Variants in PIK3R5 observed in about 807,000 individuals in gnomAD.
PIK3R5 encodes the protein phosphoinositide 3-kinase regulatory subunit 5.
PIK3R5 carries 32 observed loss-of-function variants against 94.9 expected under a neutral mutation model. That is an observed-to-expected ratio of 0.34 (90% CI 0.25 to 0.45). PIK3R5 has a LOEUF of 0.45. Among genes scored for constraint, PIK3R5 ranks in the 20% least tolerant of loss-of-function variants. The pLI is 1.00. For synonymous variants in PIK3R5, 443 were observed against 479.4 expected, an observed-to-expected ratio of 0.92 and a Z score of 0.99; for missense variants, 853 against 1,144.6, an observed-to-expected ratio of 0.75 and a Z score of 3.68.
chr17:8,907,278 GC>G (rs1292950700), intron 3 of PIK3R5, among the ~76,000 whole-genome samples: 1 of 151,722 alleles, frequency 6.6e-6, no homozygotes, highest in African/African-American at 2.4e-5. Context: ...TGATCCGCCC[GC>G]CTTGGCTTCC....
chr17:8,958,291 A>G (rs959248373), intron 1 of PIK3R5, among the ~76,000 whole-genome samples: 33 of 152,126 alleles, frequency 2.2e-4, no homozygotes, highest in Admixed American at 2.0e-3. Context: ...AAAAAAAAAA[A>G]AAAAAATCCT....
rs553157244 is a variant in PIK3R5, at chr17:8,925,200, A to T, written c.-13-13693T>A. On this transcript the variant is annotated intron_variant, in intron 1 of 18. Coordinates refer to ENST00000447110, the MANE Select transcript of PIK3R5 (RefSeq NM_001142633.3). The surrounding 1 kb of genome is among the most constrained non-coding windows in gnomAD (Gnocchi z 5.1). ...GGGTAGATAGATAGACAGAAAGTAG[A>T]TGGATAGATAGATAGATAGTAGATG... Among the ~76,000 whole-genome samples, 1 of 152,098 alleles carries T rather than the reference A, an allele frequency of 6.6e-6. No individual in the cohort carries two copies. Among genetic ancestry groups the T allele is most frequent in the South Asian group, 2.1e-4 (1 of 4,830 alleles).
intron 1 of PIK3R5, among the ~76,000 whole-genome samples, chr17:8,962,342 G>A (rs1374902138): frequency 6.6e-6 from 1 of 152,220 alleles, no homozygotes; most frequent in Non-Finnish European, 1.5e-5. Flanking sequence ...GGGTACAAAA[G>A]AGAATGGCAG....
chr17:8,955,172 C>G lies in PIK3R5; in HGVS notation c.-14+10424G>C, dbSNP rs1187963236. 6.6e-6 allele frequency among the ~76,000 whole-genome samples: 1 copy of G among 152,146 alleles called. No homozygotes were observed. The highest frequency in any genetic ancestry group is 1.5e-5 in the Non-Finnish European group (1 of 68,024). On this transcript the variant is annotated intron_variant, in intron 1 of 18. Coordinates refer to ENST00000447110, the MANE Select transcript of PIK3R5 (RefSeq NM_001142633.3). The surrounding 1 kb of genome is among the most constrained non-coding windows in gnomAD (Gnocchi z 4.4). ...GGATGACCGAACCCCACAGAGGTCT[C>G]AGATGGGGAGCAGCCCAGCCTGCCC... is the stretch of plus-strand genomic sequence containing the variant.
At chr17:8,919,854 C>CTCTTTCTT (rs71135930) in intron 1 of PIK3R5, among the ~76,000 whole-genome samples, 2 of 149,070 alleles carry the variant, frequency 1.3e-5, no homozygotes, top group African/African-American at 5.1e-5. Flanking sequence ...CTCTCTCTCT[C>CTCTTTCTT]TCTTTCTTTC....
intron 14 of PIK3R5, among the ~76,000 whole-genome samples, chr17:8,885,239 T>C (rs1203471980): frequency 6.8e-6 from 1 of 146,136 alleles, no homozygotes; most frequent in African/African-American, 2.6e-5. Flanking sequence ...CCCATGGTCC[T>C]GCCTCCCGGT....
At chr17:8,895,396 GGAAGCA>G (rs1223759494) in intron 5 of PIK3R5, among the ~76,000 whole-genome samples, 2 of 152,164 alleles carry the variant, frequency 1.3e-5, no homozygotes, top group African/African-American at 4.8e-5. Context: ...TCATACTCCA[GGAAGCA>G]GTAGACTCTG....
chr17:8,914,163 TG>T (rs1163167594), intron 1 of PIK3R5, among the ~76,000 whole-genome samples: 1 of 152,096 alleles, frequency 6.6e-6, no homozygotes, highest in East Asian at 1.9e-4. Flanking sequence ...TCTCACAGGC[TG>T]ATTTCTCCCA....
chr17:8,893,849 C>CA lies in PIK3R5; in HGVS notation c.413-195dup. ...TGCTTCTATGCGTCCTTTTACACCT[C>CA]ACGAGTCATATCCCCACCTCCACCT... On this transcript the variant is annotated intron_variant, in intron 5 of 18. Coordinates refer to ENST00000447110, the MANE Select transcript of PIK3R5 (RefSeq NM_001142633.3). The surrounding 1 kb of genome is among the most constrained non-coding windows in gnomAD (Gnocchi z 5.1). The CA allele has an allele frequency of 2.0e-6, 1 of 510,148 alleles. No individual in the cohort carries two copies. The highest frequency in any genetic ancestry group is 2.4e-5 in the South Asian group (1 of 41,604). 31.6% of individuals were successfully genotyped at this position (510,148 alleles called of 1,614,324 possible). A position where few individuals can be genotyped will look rare whatever the true frequency, so the allele number is the denominator to read the frequency against.
At chr17:8,897,639 G>GT (rs1254247615) in intron 5 of PIK3R5, among the ~76,000 whole-genome samples, 1 of 152,118 alleles carries the variant, frequency 6.6e-6, no homozygotes, top group Non-Finnish European at 1.5e-5. Flanking sequence ...TCCATTCCTC[G>GT]TTTTTTTATG....
chr17:8,938,824 A>T (rs1284552308), intron 1 of PIK3R5, among the ~76,000 whole-genome samples: 1 of 152,234 alleles, frequency 6.6e-6, no homozygotes, highest in Non-Finnish European at 1.5e-5. Flanking sequence ...CAAATGCTTG[A>T]ATTTATGGAC....
chr17:8,884,635 G>A lies in PIK3R5; in HGVS notation c.2205+72C>T. 1 of 1,234,558 alleles carries A rather than the reference G, an allele frequency of 8.1e-7. No individual in the cohort carries two copies. The highest frequency in any genetic ancestry group is 1.2e-6 in the Non-Finnish European group (1 of 843,948). The allele number at this position is 1,234,558 out of a possible 1,614,324, so 76.5% of individuals were successfully genotyped here. On this transcript the variant is annotated intron_variant, in intron 15 of 18. Transcript: ENST00000447110. This position sits in a 1 kb window ranked among gnomAD's most constrained non-coding sequence, Gnocchi z 5.8. Reference sequence around the variant, plus strand: ...CCCAGGAACACACGAGTCCAGCTCTGGGTCCAAGCTCTGGCGGAGGAAGTA... The same window carrying A: ...CCCAGGAACACACGAGTCCAGCTCTAGGTCCAAGCTCTGGCGGAGGAAGTA...
chr17:8,913,335 G>A (rs146594182), intron 1 of PIK3R5, among the ~76,000 whole-genome samples: 81 of 152,314 alleles, frequency 5.3e-4, no homozygotes, highest in African/African-American at 1.9e-3. Flanking sequence ...CCAGGGCGCC[G>A]GGCTGGCCCA....
Position 8,889,359 on chromosome 17 carries a change from G to T in PIK3R5, c.812-137C>A. ...AGGATATGTAGCTGGATAGGCTGAG[G>T]CTGAGTTACAGCCAGGGTGCCAGGC... On this transcript the variant is annotated intron_variant, in intron 8 of 18. Transcript: ENST00000447110. This position sits in a 1 kb window ranked among gnomAD's most constrained non-coding sequence, Gnocchi z 4.1. The T allele has an allele frequency of 1.5e-6, 1 of 652,736 alleles. No individual in the cohort carries two copies. The highest frequency in any genetic ancestry group is 1.8e-5 in the African/African-American group (1 of 54,420). 40.4% of individuals were successfully genotyped at this position (652,736 alleles called of 1,614,324 possible). A position where few individuals can be genotyped will look rare whatever the true frequency, so the allele number is the denominator to read the frequency against.
intron 1 of PIK3R5, among the ~76,000 whole-genome samples, chr17:8,940,822 A>C (rs1465810708): frequency 6.6e-6 from 1 of 151,956 alleles, no homozygotes; most frequent in Non-Finnish European, 1.5e-5. Flanking sequence ...CGTCCTCCCA[A>C]AGTGTTGGGA....
At chr17:8,964,401 AT>A (rs2091627308) in intron 1 of PIK3R5, among the ~76,000 whole-genome samples, 4 of 152,074 alleles carry the variant, frequency 2.6e-5, no homozygotes, top group Admixed American at 2.6e-4. Context: ...AATAATAATA[AT>A]AATAATAATT....
In PIK3R5 at chr17:8,925,896, G is replaced by A. The variant is rs536935156; in HGVS notation, c.-13-14389C>T. On this transcript the variant is annotated intron_variant, in intron 1 of 18. Transcript: ENST00000447110. This position sits in a 1 kb window ranked among gnomAD's most constrained non-coding sequence, Gnocchi z 5.1. ...GGAAAACAAGAGTCCTGCTTTGTCCGAGTTCTATCCCCTTCAGACCCCAAT... is the reference window on the plus strand; with the variant it reads ...GGAAAACAAGAGTCCTGCTTTGTCCAAGTTCTATCCCCTTCAGACCCCAAT... Among the ~76,000 whole-genome samples, 15 of 152,272 alleles carry A rather than the reference G, an allele frequency of 9.9e-5. No individual in the cohort carries two copies. The highest frequency in any genetic ancestry group is 1.5e-4 in the Non-Finnish European group (10 of 68,022).
Position 8,902,249 on chromosome 17 carries a change from A to ATTT in PIK3R5, c.412+2525_412+2527dup, listed in dbSNP as rs397960477. ...ACCTCTTCATGGGTTTGATATATTA[A>ATTT]TTTTTTTTTTTTTTTTTTTTTTTTT... On this transcript the variant is annotated intron_variant, in intron 5 of 18. Transcript: ENST00000447110. 6.5e-4 allele frequency among the ~76,000 whole-genome samples: 50 copies of ATTT among 77,220 alleles called. 2 individuals are homozygous for ATTT. Among genetic ancestry groups the ATTT allele is most frequent in the African/African-American group, 1.7e-3 (32 of 18,448 alleles). 50.7% of individuals were successfully genotyped at this position (77,220 alleles called of 152,430 possible).
At chr17:8,908,646 C>G (rs1013916136) in intron 3 of PIK3R5, among the ~76,000 whole-genome samples, 1 of 151,996 alleles carries the variant, frequency 6.6e-6, no homozygotes, top group Non-Finnish European at 1.5e-5. Flanking sequence ...GGAACCCAAG[C>G]CCAGCTCAGC....
Sources: gnomAD v4.1 joint callset for allele counts (sites outside exome capture counted in the v4.1 genomes callset) on GRCh38, gnomAD v4.1.1 for gene constraint, Gnocchi (gnomAD v3.1) non-coding constraint, MANE v1.5 for transcripts, NCBI Gene and HGNC (gene_info 2026-07-23, HGNC 2026-07-21) for gene names.